UAP1: variants seen among roughly 807,000 people sequenced by gnomAD.
UAP1 encodes UDP-N-acetylglucosamine pyrophosphorylase 1.
Under a neutral mutation model 58.5 loss-of-function variants are expected in UAP1, and 25 were observed. The observed-to-expected ratio is 0.43, with a 90% confidence interval of 0.31 to 0.60. UAP1 has a LOEUF of 0.60. Ranked by LOEUF, UAP1 falls within the 20% of genes least tolerant of loss-of-function variation. UAP1 has a pLI of 0.11. For missense variants in UAP1, 575 were observed against 630.0 expected (o/e 0.91, Z 0.93); for synonymous variants, 208 against 213.0 (o/e 0.98, Z 0.21).
chr1:162,579,701 A>G (rs1571071549), intron 4 of UAP1, 98 bp downstream of exon 4: 2 of 1,089,224 alleles, frequency 1.8e-6, no homozygotes, highest in East Asian at 2.6e-5. Context: ...TGATATTTAA[A>G]CATTAATATA....
intron 2 of UAP1, among the ~76,000 whole-genome samples, chr1:162,568,929 G>C (rs1393176597): frequency 6.6e-6 from 1 of 152,172 alleles, no homozygotes; most frequent in Non-Finnish European, 1.5e-5. Context: ...TGTGGAGCTA[G>C]TCTACATTTA....
At chr1:162,575,154 C>T (rs866295651) in intron 2 of UAP1, among the ~76,000 whole-genome samples, 12 of 151,972 alleles carry the variant, frequency 7.9e-5, no homozygotes, top group African/African-American at 2.4e-4. Flanking sequence ...CTGCAGCCTC[C>T]GTCTCCCAGG....
chr1:162,574,871 A>T (rs1654079410), intron 2 of UAP1, among the ~76,000 whole-genome samples: 1 of 152,084 alleles, frequency 6.6e-6, no homozygotes, highest in African/African-American at 2.4e-5. Flanking sequence ...TGGATCTCAA[A>T]TCATCTTGAA....
intron 8 of UAP1, among the ~76,000 whole-genome samples, chr1:162,591,580 G>A (rs934920956): frequency 2.0e-5 from 3 of 151,936 alleles, no homozygotes; most frequent in Non-Finnish European, 4.4e-5. Flanking sequence ...CTGCCTCCTG[G>A]GTTCATGTGA....
intron 7 of UAP1, among the ~76,000 whole-genome samples, chr1:162,590,020 T>G: frequency 7.7e-6 from 1 of 129,488 alleles, no homozygotes; most frequent in South Asian, 2.6e-4. Context: ...TCTAAATCAT[T>G]TTTTTTGCCT....
chr1:162,587,659 A>G (rs1310109997), exon 6 of UAP1: 7 of 1,612,320 alleles, frequency 4.3e-6, no homozygotes, highest in Non-Finnish European at 2.5e-6. Context: ...TTTCTGAGAG[A>G]TGTTGTCAAG....
chr1:162,575,875 G>GTT (rs1304914757), intron 2 of UAP1, among the ~76,000 whole-genome samples: 1 of 152,034 alleles, frequency 6.6e-6, no homozygotes, highest in African/African-American at 2.4e-5. Context: ...GTAGAGACAG[G>GTT]TTTCGCTATG....
intron 4 of UAP1, among the ~76,000 whole-genome samples, chr1:162,580,241 A>G (rs996937261): frequency 6.6e-6 from 1 of 152,240 alleles, no homozygotes; most frequent in Non-Finnish European, 1.5e-5. Flanking sequence ...TGGAAACCAT[A>G]TGCTATTTAA....
exon 5 of UAP1, chr1:162,581,449 G>C (rs777799761): frequency 6.2e-7 from 1 of 1,613,652 alleles, no homozygotes; most frequent in Non-Finnish European, 8.5e-7. Context: ...GGAGCAGACT[G>C]TGGAGCAAAG....
intron 2 of UAP1, among the ~76,000 whole-genome samples, chr1:162,568,323 C>A (rs1012877721): frequency 6.6e-6 from 1 of 152,118 alleles, no homozygotes; most frequent in Non-Finnish European, 1.5e-5. Flanking sequence ...TCCAAAGAAC[C>A]CAAGGGTTTT....
At chr1:162,596,321 A>G (rs909729278) in intron 9 of UAP1, among the ~76,000 whole-genome samples, 3 of 151,424 alleles carry the variant, frequency 2.0e-5, no homozygotes, top group African/African-American at 7.3e-5. Context: ...CTTTACAGGT[A>G]CGCGCCACCA....
chr1:162,565,373 A>G (rs1557962453), intron 1 of UAP1, among the ~76,000 whole-genome samples: 2 of 152,176 alleles, frequency 1.3e-5, no homozygotes, highest in Non-Finnish European at 2.9e-5. Flanking sequence ...ACTGATTGTT[A>G]TATGTGTATT....
At position 162,573,777 on chromosome 1, in the gene UAP1, C is replaced by A. The variant is rs559158698; in HGVS notation, c.281-3000C>A. Among the ~76,000 whole-genome samples, 5 of 152,066 alleles carry A rather than the reference C, an allele frequency of 3.3e-5. No individual in the cohort carries two copies. The East Asian group carries it at 7.8e-4, about 24-fold the overall frequency. The stretch of plus-strand genomic sequence containing the variant: ...CCCAGGAGTTCGAGACCAGCCTGGG[C>A]AACATGGTGAGACCCCTGTCTACTA... On this transcript the variant is annotated intron_variant, in intron 2 of 10. Transcript: ENST00000271469.
intron 2 of UAP1, among the ~76,000 whole-genome samples, chr1:162,573,317 G>A (rs1168539458): frequency 3.3e-5 from 5 of 152,076 alleles, no homozygotes; most frequent in Non-Finnish European, 7.4e-5. Flanking sequence ...GTGTGGTGGT[G>A]AAGAGGCCCT....
chr1:162,584,352 G>A (rs1232085641), intron 5 of UAP1, among the ~76,000 whole-genome samples: 2 of 152,162 alleles, frequency 1.3e-5, no homozygotes, highest in Non-Finnish European at 2.9e-5. Flanking sequence ...GTTAGAAGCC[G>A]TTTACATAAT....
intron 10 of UAP1, among the ~76,000 whole-genome samples, chr1:162,598,106 C>T (rs914603092): frequency 1.4e-4 from 22 of 152,016 alleles, no homozygotes; most frequent in African/African-American, 4.8e-4. Context: ...GTGGCTCACT[C>T]CTGTAATCCC....
chr1:162,592,539 C>T (rs1033459376), intron 8 of UAP1, among the ~76,000 whole-genome samples, 193 bp from the exon 9 acceptor site: 6 of 152,166 alleles, frequency 3.9e-5, no homozygotes, highest in Admixed American at 2.6e-4. Flanking sequence ...CTTGGCATGT[C>T]ACATTGTCCT....
At chr1:162,580,606 G>A (rs1297552908) in intron 4 of UAP1, among the ~76,000 whole-genome samples, 1 of 152,240 alleles carries the variant, frequency 6.6e-6, no homozygotes, top group Non-Finnish European at 1.5e-5. Flanking sequence ...AGTATTAACA[G>A]TGGTGCTCTC....
At chr1:162,597,244 A>G (rs1282712121) in intron 9 of UAP1, 1 of 152,212 alleles carries the variant, frequency 6.6e-6, no homozygotes, top group African/African-American at 2.4e-5. Context: ...TCGAAGTGTG[A>G]TTATTATGAC....
Sources: allele counts gnomAD v4.1 joint callset (sites outside exome capture counted in the v4.1 genomes callset), GRCh38; gene constraint gnomAD v4.1.1; transcripts MANE v1.5; gene names NCBI Gene and HGNC (gene_info 2026-07-23, HGNC 2026-07-21).